The following SEMA3D variants were observed in gnomAD, a reference collection of about 807,000 sequenced individuals.
The protein encoded by SEMA3D is semaphorin 3D.
In SEMA3D, 84 loss-of-function variants were observed where a neutral mutation model predicts 100.1. That is an observed-to-expected ratio of 0.84 (90% CI 0.70 to 1.01). SEMA3D has a LOEUF of 1.01. Among genes scored for constraint, SEMA3D ranks in the 50% least tolerant of loss-of-function variants. The pLI is 0.00. For missense variants in SEMA3D, 875 were observed against 934.1 expected (o/e 0.94, Z 0.82); for synonymous variants, 312 against 320.7 (o/e 0.97, Z 0.29).
At chr7:85,233,820 G>A in the SEMA3D span, among the ~76,000 whole-genome samples, 1 of 152,142 alleles carries the variant, frequency 6.6e-6, no homozygotes, top group South Asian at 2.1e-4. Context: ...TGTTTTCGTT[G>A]TGAAAGACAA....
rs142253100 is a variant in SEMA3D, at chr7:85,178,557, G to A, written c.-173+8121C>T. 2.1e-3 allele frequency among the ~76,000 whole-genome samples: 317 copies of A among 152,270 alleles called. 1 individual carries two copies. Among genetic ancestry groups the A allele is most frequent in the African/African-American group, 7.3e-3 (304 of 41,550 alleles). On this transcript the variant is annotated intron_variant, in intron 1 of 18. Transcript: ENST00000284136. ...CAGAGATCTGTGGAGCTTTGAACTT[G>A]AGAGAGATGATTTAGGGTATCTGGC...
chr7:85,105,152 T>C (rs757816812), intron 3 of SEMA3D, among the ~76,000 whole-genome samples: 1 of 152,098 alleles, frequency 6.6e-6, no homozygotes, highest in Non-Finnish European at 1.5e-5. Context: ...CGTTTCTCTT[T>C]AAGCCTTTCA....
intron 12 of SEMA3D, among the ~76,000 whole-genome samples, chr7:85,026,574 A>T (rs763807330): frequency 2.0e-5 from 3 of 152,078 alleles, no homozygotes; most frequent in Non-Finnish European, 2.9e-5. Context: ...CTTTGGTAAG[A>T]CTATCATAGT....
rs1164491003 is a variant in SEMA3D, at chr7:84,996,892, A to G, written c.*2548T>C. 6.6e-6 allele frequency: 1 copy of G among 151,998 alleles called. No individual in the cohort carries two copies. Among genetic ancestry groups the G allele is most frequent in the Non-Finnish European group, 1.5e-5 (1 of 67,890 alleles). The allele number at this position is 151,998 out of a possible 1,614,324, so 9.4% of individuals were successfully genotyped here. On this transcript the variant is annotated 3_prime_UTR_variant, in exon 19 of 19. Transcript: ENST00000284136. ...TATATAGTGTGTTTGTGGATTTAAT[A>G]TATTCATACTCTTTCTCTAAATGTT...
At chr7:85,057,538 T>C (rs960766510) in intron 8 of SEMA3D, among the ~76,000 whole-genome samples, 4 of 152,192 alleles carry the variant, frequency 2.6e-5, no homozygotes, top group African/African-American at 9.7e-5. Flanking sequence ...AGAGCTCTGA[T>C]TGCTGTGCGC....
intron 12 of SEMA3D, among the ~76,000 whole-genome samples, chr7:85,026,764 T>C (rs1790401530): frequency 6.6e-6 from 1 of 152,078 alleles, no homozygotes; most frequent in African/African-American, 2.4e-5. Flanking sequence ...GAAATACATA[T>C]ATTCTGAGAA....
chr7:85,211,670 G>A, the SEMA3D span, among the ~76,000 whole-genome samples: 1 of 151,982 alleles, frequency 6.6e-6, no homozygotes, highest in Non-Finnish European at 1.5e-5. Flanking sequence ...AACAACACAA[G>A]TTTGAACTGT....
At chr7:85,187,981 A>G (rs931366136), upstream of SEMA3D, among the ~76,000 whole-genome samples, 6 of 152,192 alleles carry the variant, frequency 3.9e-5, no homozygotes, top group African/African-American at 1.4e-4. Context: ...GACATGAGGT[A>G]GAGACATGGA....
chr7:85,202,675 G>C, the SEMA3D span, among the ~76,000 whole-genome samples: 8 of 152,066 alleles, frequency 5.3e-5, no homozygotes, highest in African/African-American at 1.7e-4. Context: ...TCAAAAAGTG[G>C]GCGAAAGACA....
chr7:85,151,957 A>G (rs1219579191), intron 2 of SEMA3D, among the ~76,000 whole-genome samples: 2 of 152,076 alleles, frequency 1.3e-5, no homozygotes, highest in Non-Finnish European at 2.9e-5. Flanking sequence ...TTTTCTAATT[A>G]TAGAATAGTT....
intron 12 of SEMA3D, among the ~76,000 whole-genome samples, chr7:85,022,980 C>A (rs1790297854): frequency 6.6e-6 from 1 of 151,922 alleles, no homozygotes; most frequent in East Asian, 1.9e-4. Flanking sequence ...CCATTATTTT[C>A]AATTTCCTTT....
intron 1 of SEMA3D, among the ~76,000 whole-genome samples, chr7:85,157,308 G>C (rs1354244896): frequency 6.6e-6 from 1 of 152,078 alleles, no homozygotes; most frequent in Non-Finnish European, 1.5e-5. Context: ...TATTAGCATA[G>C]TATAATAAAA....
intron 3 of SEMA3D, among the ~76,000 whole-genome samples, chr7:85,111,373 A>G (rs1242535749): frequency 6.6e-6 from 1 of 152,004 alleles, no homozygotes; most frequent in African/African-American, 2.4e-5. Context: ...TCTTCCCACA[A>G]AACGACTTCT....
intron 1 of SEMA3D, chr7:85,162,948 G>T (rs1042918967): frequency 2.6e-6 from 1 of 381,352 alleles, no homozygotes; most frequent in Non-Finnish European, 3.6e-6. Flanking sequence ...AACTGAGTCA[G>T]CGACTGAATG....
At chr7:85,241,288 A>T in the SEMA3D span, among the ~76,000 whole-genome samples, 1 of 151,780 alleles carries the variant, frequency 6.6e-6, no homozygotes, top group Non-Finnish European at 1.5e-5. Context: ...TAGAACTACC[A>T]TTTGATCCAG....
intron 12 of SEMA3D, among the ~76,000 whole-genome samples, chr7:85,031,253 A>G (rs1790539760): frequency 6.6e-6 from 1 of 152,030 alleles, no homozygotes; most frequent in Non-Finnish European, 1.5e-5. Flanking sequence ...TGGGAGAACA[A>G]CTTAGAATTC....
the SEMA3D span, among the ~76,000 whole-genome samples, chr7:85,196,414 GA>G: frequency 6.6e-6 from 1 of 152,096 alleles, no homozygotes; most frequent in African/African-American, 2.4e-5. Context: ...AAGGTAGTTT[GA>G]ACAGTACACA....
intron 2 of SEMA3D, chr7:85,151,770 A>C (rs1382418924): frequency 6.0e-6 from 5 of 830,862 alleles, no homozygotes; most frequent in Non-Finnish European, 7.3e-6. Context: ...AGTAGAACTT[A>C]AACTATTATA....
intron 9 of SEMA3D, among the ~76,000 whole-genome samples, chr7:85,043,126 G>A (rs1790909032): frequency 6.6e-6 from 1 of 152,140 alleles, no homozygotes; most frequent in South Asian, 2.1e-4. Context: ...GGGAGGCTGA[G>A]GCAGGAGGAT....
Sources: allele counts gnomAD v4.1 joint callset (sites outside exome capture counted in the v4.1 genomes callset), GRCh38; gene constraint gnomAD v4.1.1; transcripts MANE v1.5; gene names NCBI Gene and HGNC (gene_info 2026-07-23, HGNC 2026-07-21).